Variants in MUC4 observed in about 807,000 individuals in gnomAD.
The protein encoded by MUC4 is mucin-4.
MUC4 carries 202 observed loss-of-function variants against 257.9 expected under a neutral mutation model. That is an observed-to-expected ratio of 0.78 (90% CI 0.70 to 0.88). The LOEUF (loss-of-function observed/expected upper bound fraction) is 0.88. MUC4 is among the 40% of genes least tolerant of loss of function. The pLI, the probability that MUC4 is intolerant of heterozygous loss-of-function variation, is 0.00. For synonymous variants in MUC4, 2,351 were observed against 2,757.1 expected (o/e 0.85, Z 4.62); for missense variants, 5,976 against 6,513.7 (o/e 0.92, Z 2.84).
At position 195,789,210 on chromosome 3, in the gene MUC4, C is replaced by T. The variant is rs751219080; in HGVS notation, c.2370G>A (p.Pro790=). The T allele has an allele frequency of 3.7e-5, 60 of 1,613,632 alleles. 1 individual carries two copies. Among genetic ancestry groups the T allele is most frequent in the South Asian group, 5.5e-5 (5 of 91,070 alleles). ...EASGQTQTSE[P]ASSGSRTTSA... is the part of the protein sequence containing the mutation. ...AGGTGGTTCGTGACCCTGAGGAGGC[C>T]GGTTCGCTGGTCTGTGTTTGTCCAG... Residue 790 remains proline (P), a synonymous_variant, in exon 2 of 25, where the codon CCG becomes CCA. Transcript: ENST00000463781.
At position 195,790,007 on chromosome 3, in the gene MUC4, T is replaced by C. The variant is rs2177336; in HGVS notation, c.1573A>G (p.Thr525Ala). Residue 525 changes from threonine to alanine, a missense_variant, in exon 2 of 25, where the codon ACA becomes GCA. Thr to Ala is a moderately conservative substitution (Grantham distance 58). This residue lies in a region of MUC4 where 1,583 missense variants were observed against 1,257.4 expected (regional missense o/e 1.26). Coordinates refer to ENST00000463781, the MANE Select transcript of MUC4 (RefSeq NM_018406.7). ...GGGACCCTTGGAATAGTGCCAGCTG[T>C]CCCTGTAGATGGATTTCCTGTGACA... ...RLVTGNPSTG[T>A]AGTIPRVPSK... The C allele has an allele frequency of 0.81, 1,301,057 of 1,613,820 alleles. 527,007 individuals are homozygous for C. Among genetic ancestry groups the C allele is most frequent in the Non-Finnish European group, 0.82 (971,022 of 1,179,816 alleles).
intron 1 of MUC4, among the ~76,000 whole-genome samples, chr3:195,801,627 G>T (rs564867319): frequency 5.2e-4 from 79 of 152,096 alleles, no homozygotes; most frequent in South Asian, 4.2e-3. Flanking sequence ...TTCCCCTGCC[G>T]CCTCTTCTTT....
chr3:195,796,779 A>T (rs555000224), intron 1 of MUC4, among the ~76,000 whole-genome samples: 3 of 152,242 alleles, frequency 2.0e-5, no homozygotes, highest in Non-Finnish European at 4.4e-5. Context: ...TTCAAGGAAC[A>T]GGTAATTTCA....
In MUC4 at chr3:195,770,250, T is replaced by C. The variant is rs79706438; in HGVS notation, c.13364A>G (p.Asn4455Ser). The C allele has an allele frequency of 0.014, 22,603 of 1,613,408 alleles. 2,931 individuals are homozygous for C. In the African/African-American group the frequency reaches 0.27, roughly 19 times the overall value. ...CCACTGGGCAGGATAGGCGTGGGCA[T>C]TGACCCACGTGACCTTTAGGGCCCA... is the stretch of plus-strand genomic sequence containing the variant. The part of the protein sequence containing the change: ...ARWALKVTWV[N>S]AHAYPAQWTL... The change falls in exon 6 of 25, where the codon AAT (asparagine) becomes AGT (serine). Residue 4455 changes from asparagine to serine, a missense_variant. Asn to Ser is a conservative substitution (Grantham distance 46, BLOSUM62 1). Coordinates refer to ENST00000463781, the MANE Select transcript of MUC4 (RefSeq NM_018406.7).
At chr3:195,796,868 T>C (rs113520574) in intron 1 of MUC4, among the ~76,000 whole-genome samples, 2,230 of 152,158 alleles carry the variant, frequency 0.015, 66 homozygotes, top group African/African-American at 0.051. Flanking sequence ...AAACCAAAGA[T>C]AGGATAAGAA....
intron 1 of MUC4, among the ~76,000 whole-genome samples, chr3:195,807,228 G>A (rs1488953401): frequency 6.6e-6 from 1 of 152,192 alleles, no homozygotes; most frequent in Non-Finnish European, 1.5e-5. Context: ...CCAGCACTTT[G>A]GGAGCCGAGG....
chr3:195,748,695 CT>C (rs538289876), intron 24 of MUC4, among the ~76,000 whole-genome samples: 533 of 152,332 alleles, frequency 3.5e-3, no homozygotes, highest in Middle Eastern at 0.014. Flanking sequence ...CTAAGCCCCC[CT>C]ATGGCTCTTT....
chr3:195,767,789 ATTG>A lies in MUC4; in HGVS notation c.13530-1041_13530-1039del, dbSNP rs1303073039. Among the ~76,000 whole-genome samples the A allele has an allele frequency of 3.1e-3, 227 of 74,008 alleles. 2 individuals are homozygous for A. Among genetic ancestry groups the A allele is most frequent in the Non-Finnish European group, 4.1e-3 (151 of 36,506 alleles). 48.6% of individuals were successfully genotyped at this position (74,008 alleles called of 152,430 possible). On this transcript the variant is annotated intron_variant, in intron 7 of 24. Coordinates refer to ENST00000463781, the MANE Select transcript of MUC4 (RefSeq NM_018406.7). ...CACCACCACCACCATCACCACCATC[ATTG>A]CCACCACCATCATCACCACCATCAC...
intron 23 of MUC4, among the ~76,000 whole-genome samples, chr3:195,749,329 G>C (rs201916229): frequency 1.0e-5 from 1 of 96,020 alleles, no homozygotes; most frequent in South Asian, 2.9e-4. Context: ...AAGGTTCCTA[G>C]GGAAAAAGGT....
chr3:195,788,840 T>C lies in MUC4; in HGVS notation c.2740A>G (p.Arg914Gly). 1 of 1,613,920 alleles carries C rather than the reference T, an allele frequency of 6.2e-7. No homozygotes were observed. The highest frequency in any genetic ancestry group is 8.5e-7 in the Non-Finnish European group (1 of 1,179,844). The change falls in exon 2 of 25, where the codon AGA (arginine) becomes GGA (glycine). Residue 914 changes from arginine to glycine, a missense_variant. Transcript: ENST00000463781. The part of the protein sequence containing the change: ...ISRMAQTQRT[R>G]TSRGSDTISL... Reference sequence around the variant, plus strand: ...ATAGTGTCAGACCCTCTGCTGGTTCTTGTCCTCTGAGTCTGGGCCATCCGG... The same window carrying C: ...ATAGTGTCAGACCCTCTGCTGGTTCCTGTCCTCTGAGTCTGGGCCATCCGG...
At chr3:195,800,774 C>T (rs1025692394) in intron 1 of MUC4, among the ~76,000 whole-genome samples, 9 of 151,424 alleles carry the variant, frequency 5.9e-5, no homozygotes, top group African/African-American at 1.7e-4. Context: ...AAATGGTTCT[C>T]AGCTGGGCAT....
At chr3:195,765,619 C>T (rs2148819838) in intron 8 of MUC4, among the ~76,000 whole-genome samples, 170 bp from the exon 9 acceptor site, 1 of 152,362 alleles carries the variant, frequency 6.6e-6, no homozygotes. Context: ...CCTCGCTTGA[C>T]TTAGCGTCTG....
At chr3:195,761,657 C>G in intron 14 of MUC4, 72 bp from the exon 15 acceptor site, 2 of 1,231,006 alleles carry the variant, frequency 1.6e-6, no homozygotes, top group Non-Finnish European at 2.4e-6. Context: ...ATCCGGCGGA[C>G]GCAGTGGGGA....
rs767312275 is a variant in MUC4, at chr3:195,784,012, G to C, written c.7568C>G (p.Thr2523Arg). 1.7e-5 allele frequency: 26 copies of C among 1,523,054 alleles called. 5 individuals are homozygous for C. In the African/African-American group the frequency reaches 2.5e-4, roughly 15 times the overall value. The allele number at this position is 1,523,054 out of a possible 1,614,324, so 94.3% of individuals were successfully genotyped here. Residue 2523 changes from threonine to arginine, a missense_variant, in exon 2 of 25, where the codon ACA becomes AGA. Transcript: ENST00000463781. Reference sequence around the variant, plus strand: ...GACAGGAAGAGGGGTGGTGTCACCTGTGGATGCTGAGGGAGTGTCGGTGAC... The same window carrying C: ...GACAGGAAGAGGGGTGGTGTCACCTCTGGATGCTGAGGGAGTGTCGGTGAC... Reference protein sequence around the residue: ...LPVTDTPSASTGDTTPLPVTN... With the variant: ...LPVTDTPSASRGDTTPLPVTN...
chr3:195,808,884 C>G (rs2149083914), intron 1 of MUC4, among the ~76,000 whole-genome samples: 1 of 152,278 alleles, frequency 6.6e-6, no homozygotes, highest in Admixed American at 6.5e-5. Context: ...CCCAGACTGA[C>G]AGATAGACCG....
chr3:195,753,349 C>T (rs914172548), intron 19 of MUC4, 119 bp from the exon 20 acceptor site: 11 of 1,000,946 alleles, frequency 1.1e-5, no homozygotes, highest in South Asian at 1.0e-4. Flanking sequence ...TCGGGCCACT[C>T]GGAACCCCAA....
Position 195,779,021 on chromosome 3 carries a change from TGGATGC to T in MUC4, c.12553_12558del (p.Ala4185_Ser4186del). The stretch of plus-strand genomic sequence containing the variant: ...ACAGGAAGAGGGGTGGTGTCACCTG[TGGATGC>T]TGAGGAAGTGCTGGTGACAGGAAGA... On this transcript the variant is annotated inframe_deletion, in exon 2 of 25. Transcript: ENST00000463781. 1 of 1,348,216 alleles carries T rather than the reference TGGATGC, an allele frequency of 7.4e-7. No individual in the cohort carries two copies. Among genetic ancestry groups the T allele is most frequent in the East Asian group, 4.5e-5 (1 of 22,230 alleles). 83.5% of individuals were successfully genotyped at this position (1,348,216 alleles called of 1,614,324 possible).
intron 23 of MUC4, among the ~76,000 whole-genome samples, chr3:195,749,312 AGGGAAAAAGGTTCCTAG>A (rs1715868285): frequency 1.7e-5 from 1 of 57,606 alleles, no homozygotes; most frequent in African/African-American, 6.9e-5. Context: ...AAAGTTTCCT[AGGGAAAAAGGTTCCTAG>A]GGAAAAAGGT....
At chr3:195,770,086 T>TG (rs1008548947) in intron 6 of MUC4, 130 bp downstream of exon 6, 741 of 843,052 alleles carry the variant, frequency 8.8e-4, no homozygotes, top group Non-Finnish European at 1.1e-3. Flanking sequence ...GGGGTGGCGG[T>TG]GGGGGGGCTT....
Sources: allele counts gnomAD v4.1 joint callset (sites outside exome capture counted in the v4.1 genomes callset), GRCh38; gene constraint gnomAD v4.1.1; regional missense constraint gnomAD v4.1.1; transcripts MANE v1.5; gene names NCBI Gene and HGNC (gene_info 2026-07-23, HGNC 2026-07-21).